Variants in ZNF407 observed in about 807,000 individuals in gnomAD.
ZNF407 encodes the protein zinc finger protein 407.
ZNF407 carries 17 observed loss-of-function variants against 131.2 expected under a neutral mutation model. That is an observed-to-expected ratio of 0.13 (90% CI 0.09 to 0.19). The LOEUF is 0.19. Among genes scored for constraint, ZNF407 ranks in the 10% least tolerant of loss-of-function variants. The pLI is 1.00. For synonymous variants in ZNF407, 1,156 were observed against 1,062.0 expected, an observed-to-expected ratio of 1.09 and a Z score of -1.72; for missense variants, 2,681 against 2,830.6, an observed-to-expected ratio of 0.95 and a Z score of 1.20.
At chr18:74,945,104 T>C (rs1453963564) in intron 8 of ZNF407, among the ~76,000 whole-genome samples, 1 of 152,214 alleles carries the variant, frequency 6.6e-6, no homozygotes, top group African/African-American at 2.4e-5. Context: ...AGACAGTTTA[T>C]GAATTACTTT....
At position 74,634,398 on chromosome 18, in the gene ZNF407, T is replaced by C. The variant is rs1390037541; in HGVS notation, c.3379T>C (p.Cys1127Arg). Residue 1127 changes from cysteine (C) to arginine (R), a missense_variant, in exon 2 of 9, where the codon TGC becomes CGC. Physicochemically the swap from Cys to Arg is radical, Grantham distance 180. Coordinates refer to ENST00000299687, the MANE Select transcript of ZNF407 (RefSeq NM_017757.3). ...DTLKSRNAAD[C>R]SILNENTNLD... is the part of the protein sequence containing the mutation. ...TCTTAAATCTAGAAATGCTGCAGAT[T>C]GCTCTATTTTAAATGAGAATACTAA... The C allele has an allele frequency of 6.2e-7, 1 of 1,613,484 alleles. No individual in the cohort carries two copies. Among genetic ancestry groups the C allele is most frequent in the East Asian group, 2.2e-5 (1 of 44,898 alleles).
rs1436523442 is a variant in ZNF407 at position 75,023,432 on chromosome 18, GT to G, written c.5429-39717del. On this transcript the variant is annotated intron_variant, in intron 8 of 8. Transcript: ENST00000299687. ...TGATATATCCTAATTATAATTAATA[GT>G]ATGTATATTACATGTAATATAACTA... 3.3e-5 allele frequency among the ~76,000 whole-genome samples: 5 copies of G among 151,986 alleles called. 1 individual carries two copies. Among genetic ancestry groups the G allele is most frequent in the Non-Finnish European group, 7.4e-5 (5 of 67,996 alleles).
intron 4 of ZNF407, among the ~76,000 whole-genome samples, chr18:74,865,457 C>G (rs1970997747): frequency 6.6e-6 from 1 of 152,090 alleles, no homozygotes; most frequent in South Asian, 2.1e-4. Context: ...TGTTAGCTTC[C>G]CTAACACTAT....
rs1450622109 is a variant in ZNF407 at position 75,048,608 on chromosome 18, T to A, written c.5429-14542T>A. ...GACAGGACTCTAACTCTCAGCTCGA[T>A]GTGAAAACAAGAGATGCTTTCATGA... On this transcript the variant is annotated intron_variant, in intron 8 of 8. Coordinates refer to ENST00000299687, the MANE Select transcript of ZNF407 (RefSeq NM_017757.3). This position sits in a 1 kb window ranked among gnomAD's most constrained non-coding sequence, Gnocchi z 4.1. 6.6e-6 allele frequency among the ~76,000 whole-genome samples: 1 copy of A among 152,152 alleles called. No homozygotes were observed. The highest frequency in any genetic ancestry group is 1.5e-5 in the Non-Finnish European group (1 of 68,034).
intron 4 of ZNF407, among the ~76,000 whole-genome samples, chr18:74,827,300 C>A (rs186312000): frequency 6.6e-6 from 1 of 152,240 alleles, no homozygotes; most frequent in East Asian, 1.9e-4. Context: ...GGTTTAGTGT[C>A]CATTGATGTT....
chr18:74,763,705 A>ATTTTTTTTTTTTTTTTTT (rs11340257), intron 3 of ZNF407, among the ~76,000 whole-genome samples: 3 of 70,228 alleles, frequency 4.3e-5, no homozygotes, highest in African/African-American at 1.6e-4. Flanking sequence ...CTTATCTTTG[A>ATTTTTTTTTTTTTTTTTT]TTTTTTTTTT....
At chr18:74,963,833 T>G (rs2145295220) in intron 8 of ZNF407, among the ~76,000 whole-genome samples, 1 of 152,360 alleles carries the variant, frequency 6.6e-6, no homozygotes, top group Admixed American at 6.5e-5. Context: ...GAAAAAAGTG[T>G]TGCAACAATT....
chr18:74,617,096 A>ACACACATCCATATCCATACACCAC lies in ZNF407; in HGVS notation c.-53-13871_-53-13870insCACACATCCATATCCATACACCAC, dbSNP rs1352602380. Among the ~76,000 whole-genome samples the ACACACATCCATATCCATACACCAC allele has an allele frequency of 1.5e-3, 37 of 24,260 alleles. 9 individuals are homozygous for ACACACATCCATATCCATACACCAC. The highest frequency in any genetic ancestry group is 4.1e-3 in the East Asian group (2 of 488). The allele number at this position is 24,260 out of a possible 152,430, so 15.9% of individuals were successfully genotyped here. A position where few individuals can be genotyped will look rare whatever the true frequency, so the allele number is the denominator to read the frequency against. On this transcript the variant is annotated intron_variant, in intron 1 of 8. Coordinates refer to ENST00000299687, the MANE Select transcript of ZNF407 (RefSeq NM_017757.3). ...CCACACACATCCATATCCATGCACC[A>ACACACATCCATATCCATACACCAC]ACACATCCATATCCACACACCACAC...
At chr18:74,862,091 T>C (rs1403418128) in intron 4 of ZNF407, among the ~76,000 whole-genome samples, 2 of 152,258 alleles carry the variant, frequency 1.3e-5, no homozygotes, top group African/African-American at 2.4e-5. Context: ...GGAATTTTCT[T>C]TAAAAGTTCT....
chr18:74,962,862 G>T lies in ZNF407; in HGVS notation c.5428+42170G>T, dbSNP rs547915154. On this transcript the variant is annotated intron_variant, in intron 8 of 8. Coordinates refer to ENST00000299687, the MANE Select transcript of ZNF407 (RefSeq NM_017757.3). ...CTCTTTGAAGGCCTGAGACTCGGCT[G>T]AGGGTTTTGATGAAAGAATTAACAA... Among the ~76,000 whole-genome samples, 10 of 152,362 alleles carry T rather than the reference G, an allele frequency of 6.6e-5. No homozygotes were observed. In the South Asian group the frequency reaches 2.1e-3, roughly 32 times the overall value.
At chr18:74,615,686 T>A (rs187548182) in intron 1 of ZNF407, among the ~76,000 whole-genome samples, 1 of 152,220 alleles carries the variant, frequency 6.6e-6, no homozygotes, top group Non-Finnish European at 1.5e-5. Context: ...ATAACATTTC[T>A]GTTTTCTGTT....
chr18:74,797,191 G>A (rs1203523883), intron 4 of ZNF407, among the ~76,000 whole-genome samples: 1 of 152,164 alleles, frequency 6.6e-6, no homozygotes, highest in Non-Finnish European at 1.5e-5. Flanking sequence ...AGAAATGAAG[G>A]CTGAATAGAT....
Position 75,060,880 on chromosome 18 carries a change from T to G in ZNF407, c.5429-2270T>G, listed in dbSNP as rs555911376. 2.6e-4 allele frequency among the ~76,000 whole-genome samples: 39 copies of G among 152,238 alleles called. 1 individual carries two copies. The highest frequency in any genetic ancestry group is 5.1e-4 in the Non-Finnish European group (35 of 68,052). ...ACAGAGTTGCCTGAGAAAGAAGATA[T>G]ATTAATTAGTACTTATCAGTTAATT... On this transcript the variant is annotated intron_variant, in intron 8 of 8. Coordinates refer to ENST00000299687, the MANE Select transcript of ZNF407 (RefSeq NM_017757.3).
chr18:74,659,892 C>G (rs545512328), intron 3 of ZNF407, among the ~76,000 whole-genome samples: 1 of 152,200 alleles, frequency 6.6e-6, no homozygotes, highest in African/African-American at 2.4e-5. Context: ...CAGAAAATGA[C>G]AAATATATTT....
chr18:74,751,660 A>G (rs1312197099), intron 3 of ZNF407, among the ~76,000 whole-genome samples: 1 of 151,956 alleles, frequency 6.6e-6, no homozygotes, highest in East Asian at 1.9e-4. Flanking sequence ...GCTCAAAATG[A>G]TGGTTTCCAG....
At chr18:74,946,779 A>G (rs1303904310) in intron 8 of ZNF407, among the ~76,000 whole-genome samples, 1 of 152,240 alleles carries the variant, frequency 6.6e-6, no homozygotes, top group Non-Finnish European at 1.5e-5. Flanking sequence ...TAATGACAAC[A>G]TATCTTGGGA....
chr18:74,620,819 C>A (rs879102141), intron 1 of ZNF407, among the ~76,000 whole-genome samples: 126,994 of 152,026 alleles, frequency 0.84, 53,307 homozygotes, highest in Middle Eastern at 0.9. Flanking sequence ...CATAAGTGGC[C>A]AGAGAACTGG....
intron 1 of ZNF407, among the ~76,000 whole-genome samples, chr18:74,621,637 G>A (rs1465148008): frequency 6.6e-6 from 1 of 152,052 alleles, no homozygotes; most frequent in Admixed American, 6.6e-5. Context: ...CCTAGGGGAG[G>A]GCATGCAGGA....
At chr18:74,647,044 C>T (rs1985003626) in intron 3 of ZNF407, among the ~76,000 whole-genome samples, 1 of 152,062 alleles carries the variant, frequency 6.6e-6, no homozygotes, top group Non-Finnish European at 1.5e-5. Context: ...ACATTGGCTT[C>T]TGTGTCTAAA....
Sources: allele counts gnomAD v4.1 joint callset (sites outside exome capture counted in the v4.1 genomes callset), GRCh38; gene constraint gnomAD v4.1.1; non-coding constraint Gnocchi (gnomAD v3.1); transcripts MANE v1.5; gene names NCBI Gene and HGNC (gene_info 2026-07-23, HGNC 2026-07-21).